The following RYR2 variants were observed in gnomAD, a reference collection of about 807,000 sequenced individuals.
RYR2 encodes cardiac muscle ryanodine receptor-calcium release channel.
In RYR2, 227 loss-of-function variants were observed where a neutral mutation model predicts 601.1. That is an observed-to-expected ratio of 0.38 (90% CI 0.34 to 0.42). RYR2 has a LOEUF of 0.42. Ranked by LOEUF, RYR2 falls within the 10% of genes least tolerant of loss-of-function variation. The pLI is 1.00. For synonymous variants in RYR2, 2,223 were observed against 2,175.1 expected (o/e 1.02, Z -0.61); for missense variants, 4,646 against 6,156.5 (o/e 0.75, Z 8.21).
chr1:237,792,024 A>T, intron 93 of RYR2, 81 bp from the exon 94 acceptor site: 1 of 972,410 alleles, frequency 1.0e-6, no homozygotes, highest in Non-Finnish European at 1.6e-6. Context: ...TTTGCTGAAA[A>T]GGCTGTATTT....
At chr1:237,625,374 T>C (rs1458830425) in intron 39 of RYR2, among the ~76,000 whole-genome samples, 1 of 152,136 alleles carries the variant, frequency 6.6e-6, no homozygotes, top group African/African-American at 2.4e-5. Flanking sequence ...AATAGCAGAA[T>C]TGATCTTTGC....
chr1:237,591,630 G>T, intron 31 of RYR2, 109 bp from the exon 32 acceptor site: 1 of 836,564 alleles, frequency 1.2e-6, no homozygotes. Flanking sequence ...ATGTCCCCCA[G>T]GGAGCAAAAT....
chr1:237,510,614 T>C (rs1264679664), intron 23 of RYR2, among the ~76,000 whole-genome samples: 1 of 152,190 alleles, frequency 6.6e-6, no homozygotes, highest in Admixed American at 6.5e-5. Context: ...TGGTGACTGC[T>C]GAAGACTTAA....
At chr1:237,492,822 TGAAAGGAAGGAAGGAA>T (rs1410683656) in intron 18 of RYR2, 116 bp from the exon 19 acceptor site, 2 of 820,250 alleles carry the variant, frequency 2.4e-6, no homozygotes, top group Non-Finnish European at 3.5e-6. Flanking sequence ...AGATGCTGTC[TGAAAGGAAGGAAGGAA>T]GGAAGGAAGG....
intron 1 of RYR2, among the ~76,000 whole-genome samples, chr1:237,220,218 G>C (rs1683660200): frequency 6.6e-6 from 1 of 152,210 alleles, no homozygotes; most frequent in Admixed American, 6.5e-5. Context: ...CTGGCTGGAA[G>C]CCCAGCTGGG....
intron 82 of RYR2, 21 bp from the exon 83 acceptor site, chr1:237,759,755 T>C (rs1436035430): frequency 6.6e-7 from 1 of 1,508,626 alleles, no homozygotes. Context: ...AGTGGCCACG[T>C]GGTTTCTATA....
chr1:237,687,270 T>C (rs1686477459), intron 62 of RYR2, among the ~76,000 whole-genome samples, 185 bp from the exon 63 acceptor site: 1 of 151,910 alleles, frequency 6.6e-6, no homozygotes, highest in South Asian at 2.1e-4. Context: ...ATACCTTTAC[T>C]CCACATTCTG....
chr1:237,371,180 T>C (rs1189808644), intron 6 of RYR2, among the ~76,000 whole-genome samples: 1 of 151,684 alleles, frequency 6.6e-6, no homozygotes, highest in Non-Finnish European at 1.5e-5. Flanking sequence ...TTTTTTGAGA[T>C]AGGGTCTTGC....
intron 2 of RYR2, among the ~76,000 whole-genome samples, chr1:237,328,448 G>A (rs1047775285): frequency 2.0e-5 from 3 of 152,072 alleles, no homozygotes; most frequent in African/African-American, 2.4e-5. Context: ...CCCTTGTCTG[G>A]CCAACTGCAG....
At chr1:237,470,897 CAGAGAGAGAGGAA>C (rs897201272) in intron 17 of RYR2, among the ~76,000 whole-genome samples, 2 of 151,394 alleles carry the variant, frequency 1.3e-5, no homozygotes, top group East Asian at 1.9e-4. Flanking sequence ...AGAGGAGAGA[CAGAGAGAGAGGAA>C]AGAGAGAGAG....
chr1:237,561,054 G>A (rs1473831468), intron 27 of RYR2, among the ~76,000 whole-genome samples: 1 of 152,142 alleles, frequency 6.6e-6, no homozygotes, highest in African/African-American at 2.4e-5. Flanking sequence ...AGTATGGAAA[G>A]TTATATAGGG....
chr1:237,467,518 C>T (rs1037596960), intron 16 of RYR2, among the ~76,000 whole-genome samples: 1 of 152,064 alleles, frequency 6.6e-6, no homozygotes, highest in African/African-American at 2.4e-5. Context: ...CGATGGCTGG[C>T]TCTTAAGGGA....
intron 66 of RYR2, among the ~76,000 whole-genome samples, chr1:237,703,541 G>A (rs1386756128): frequency 1.3e-5 from 2 of 148,598 alleles, no homozygotes; most frequent in African/African-American, 4.9e-5. Flanking sequence ...CTGTTTTTGT[G>A]AGTTTTACCA....
rs1341038582 is a variant in RYR2, at chr1:237,718,503, T to G, written c.10536T>G (p.Asn3512Lys). The G allele has an allele frequency of 6.3e-7, 1 of 1,595,908 alleles. No individual in the cohort carries two copies. The highest frequency in any genetic ancestry group is 8.6e-7 in the Non-Finnish European group (1 of 1,164,296). Residue 3512 changes from asparagine to lysine, a missense_variant, in exon 73 of 105, where the codon AAT (asparagine) becomes AAG (lysine). By Grantham distance (94) the Asn-to-Lys change is moderately conservative. Transcript: ENST00000366574. ...AAGTACGAGATATAATCCGCAGCAA[T>G]ATTCATTTACAAGGCAAGGTAAGCC... ...EDEVRDIIRS[N>K]IHLQGKLEDP...
intron 3 of RYR2, 38 bp from the exon 4 acceptor site, chr1:237,355,927 G>A (rs778287684): frequency 1.9e-6 from 3 of 1,564,652 alleles, no homozygotes; most frequent in Non-Finnish European, 2.6e-6. Context: ...CTAGGTATTT[G>A]TTTGTTTGTT....
At chr1:237,328,609 A>C (rs1001458317) in intron 2 of RYR2, among the ~76,000 whole-genome samples, 8 of 152,016 alleles carry the variant, frequency 5.3e-5, no homozygotes, top group African/African-American at 1.4e-4. Context: ...ATTTAAAAAA[A>C]AAAAACAAAA....
intron 7 of RYR2, among the ~76,000 whole-genome samples, chr1:237,376,299 A>G (rs192884774): frequency 6.6e-6 from 1 of 152,344 alleles, no homozygotes; most frequent in East Asian, 1.9e-4. Flanking sequence ...CTGTAAGAAT[A>G]CTTACAAAAT....
intron 1 of RYR2, among the ~76,000 whole-genome samples, chr1:237,114,924 C>T (rs1274991815): frequency 2.6e-5 from 4 of 152,172 alleles, no homozygotes; most frequent in Non-Finnish European, 4.4e-5. Flanking sequence ...GATGACTGAA[C>T]ATGCACTCAA....
At chr1:237,644,539 A>G (rs1681926397) in intron 48 of RYR2, among the ~76,000 whole-genome samples, 1 of 152,206 alleles carries the variant, frequency 6.6e-6, no homozygotes, top group South Asian at 2.1e-4. Flanking sequence ...GCCAAAAAGA[A>G]GTGTTCTTTT....
Sources: allele counts gnomAD v4.1 joint callset (sites outside exome capture counted in the v4.1 genomes callset), GRCh38; gene constraint gnomAD v4.1.1; transcripts MANE v1.5; gene names NCBI Gene and HGNC (gene_info 2026-07-23, HGNC 2026-07-21).